NFE2L3: variants seen among roughly 807,000 people sequenced by gnomAD.
NFE2L3 encodes the protein nuclear factor erythroid 2-related factor 3.
NFE2L3 carries 18 observed loss-of-function variants against 23.5 expected under a neutral mutation model. The observed-to-expected ratio is 0.77, with a 90% CI of 0.53 to 1.13. The LOEUF is 1.13. Ranked by LOEUF, NFE2L3 falls within the 50% of genes most tolerant of loss-of-function variation. NFE2L3 has a pLI of 0.00. For missense variants in NFE2L3, 1,152 were observed against 877.2 expected, an observed-to-expected ratio of 1.31 and a Z score of -3.96; for synonymous variants, 424 against 354.5, an observed-to-expected ratio of 1.20 and a Z score of -2.20.
chr7:26,163,054 G>A (rs1784196614), intron 1 of NFE2L3, among the ~76,000 whole-genome samples: 1 of 152,130 alleles, frequency 6.6e-6, no homozygotes, highest in African/African-American at 2.4e-5. Context: ...AATGGAGGTG[G>A]ATAATGCCCC....
intron 3 of NFE2L3, chr7:26,184,038 T>C: frequency 2.0e-6 from 1 of 490,058 alleles, no homozygotes; most frequent in East Asian, 3.5e-5. Context: ...AATTATCAGG[T>C]ATTTATCCAA....
At chr7:26,167,200 G>A (rs1784263290) in intron 1 of NFE2L3, among the ~76,000 whole-genome samples, 1 of 152,160 alleles carries the variant, frequency 6.6e-6, no homozygotes, top group South Asian at 2.1e-4. Flanking sequence ...ATGGCTGGAG[G>A]GCAGGTATCA....
In NFE2L3 at chr7:26,185,081, A is replaced by T; in HGVS notation, c.1383A>T (p.Leu461Phe). 1 of 1,613,906 alleles carries T rather than the reference A, an allele frequency of 6.2e-7. No individual in the cohort carries two copies. The highest frequency in any genetic ancestry group is 8.5e-7 in the Non-Finnish European group (1 of 1,179,832). Residue 461 changes from leucine to phenylalanine, a missense_variant, in exon 4 of 4, where the codon TTA (leucine) becomes TTT (phenylalanine). Physicochemically the swap from Leu to Phe is conservative, Grantham distance 22. Transcript: ENST00000056233. ...ATGAATCTAGTTCCCATCATGACTT[A>T]GAAGGTGCTGTAGGTGGCTACTACC... Reference protein sequence around the residue: ...TDHESSSHHDLEGAVGGYYPE... With the variant: ...TDHESSSHHDFEGAVGGYYPE...
intron 2 of NFE2L3, among the ~76,000 whole-genome samples, chr7:26,180,603 G>C (rs1040666903): frequency 6.6e-6 from 1 of 152,192 alleles, no homozygotes; most frequent in Non-Finnish European, 1.5e-5. Context: ...GTTTTCACTA[G>C]TCTTTCACTT....
rs1784026225 is a variant in NFE2L3 at position 26,153,137 on chromosome 7, G to A, written c.570+69G>A. On this transcript the variant is annotated intron_variant, in intron 1 of 3. Transcript: ENST00000056233. Reference sequence around the variant, plus strand: ...GCCGGGAGCCCCCGAGGCTTGTGTCGGATCTGAGCAGGGGCCACTCTCGCT... The same window carrying A: ...GCCGGGAGCCCCCGAGGCTTGTGTCAGATCTGAGCAGGGGCCACTCTCGCT... The A allele has an allele frequency of 4.9e-6, 7 of 1,430,674 alleles. No individual in the cohort carries two copies. In the South Asian group the frequency reaches 6.9e-5, roughly 14 times the overall value. The allele number at this position is 1,430,674 out of a possible 1,614,324, so 88.6% of individuals were successfully genotyped here. A position where few individuals can be genotyped will look rare whatever the true frequency, so the allele number is the denominator to read the frequency against.
rs773965076 is a variant in NFE2L3 at position 26,185,055 on chromosome 7, C to A, written c.1357C>A (p.His453Asn). The stretch of plus-strand genomic sequence containing the variant: ...AGGTGCTATAGGTTATTGCACTGAC[C>A]ATGAATCTAGTTCCCATCATGACTT... ...DEGAIGYCTDHESSSHHDLEG... is the reference protein window; with the variant it reads ...DEGAIGYCTDNESSSHHDLEG... The change falls in exon 4 of 4, where the codon CAT becomes AAT. Residue 453 changes from histidine (H) to asparagine (N), a missense_variant. Physicochemically the swap from His to Asn is moderately conservative, Grantham distance 68. Transcript: ENST00000056233. 6.2e-7 allele frequency: 1 copy of A among 1,613,696 alleles called. No homozygotes were observed. The highest frequency in any genetic ancestry group is 2.2e-5 in the East Asian group (1 of 44,890).
At chr7:26,184,472 A>C (rs548813274) in intron 3 of NFE2L3, 61 bp from the exon 4 acceptor site, 65 of 1,462,922 alleles carry the variant, frequency 4.4e-5, no homozygotes, top group Non-Finnish European at 5.9e-5. Flanking sequence ...GTTGTTAGGT[A>C]ATAGAACTGC....
intron 1 of NFE2L3, among the ~76,000 whole-genome samples, chr7:26,167,320 G>A (rs1229431024): frequency 2.6e-5 from 4 of 152,194 alleles, no homozygotes; most frequent in African/African-American, 9.7e-5. Context: ...AGAGACAGGA[G>A]CACCCAGTTT....
chr7:26,163,971 G>A (rs146306171), intron 1 of NFE2L3, among the ~76,000 whole-genome samples: 11,274 of 152,146 alleles, frequency 0.074, 904 homozygotes, highest in East Asian at 0.36. Context: ...CCATGTCCCT[G>A]CAAAGGACAC....
chr7:26,183,614 A>G (rs959625056), intron 2 of NFE2L3, 87 bp from the exon 3 acceptor site: 5 of 779,376 alleles, frequency 6.4e-6, no homozygotes, highest in African/African-American at 3.5e-5. Context: ...TGGAAATAAT[A>G]CCTGGTGATC....
At chr7:26,183,368 T>G (rs574877624) in intron 2 of NFE2L3, among the ~76,000 whole-genome samples, 7,414 of 152,044 alleles carry the variant, frequency 0.049, 557 homozygotes, top group East Asian at 0.36. Flanking sequence ...GCCAACATGG[T>G]GAAACCCTGT....
At chr7:26,161,335 C>CTT (rs914055111) in intron 1 of NFE2L3, among the ~76,000 whole-genome samples, 111 of 69,534 alleles carry the variant, frequency 1.6e-3, no homozygotes, top group Non-Finnish European at 2.1e-3. Flanking sequence ...GCTTCTCTCT[C>CTT]TTTTTTTTTT....
rs1194974382 is a variant in NFE2L3 at position 26,158,478 on chromosome 7, A to G, written c.570+5410A>G. ...TCAGCTTGCTTATGATTAAAAGCTA[A>G]CTGAGCTGTTTCTGAAAGCAGCTGG... On this transcript the variant is annotated intron_variant, in intron 1 of 3. Coordinates refer to ENST00000056233, the MANE Select transcript of NFE2L3 (RefSeq NM_004289.7). Among the ~76,000 whole-genome samples, 4 of 152,280 alleles carry G rather than the reference A, an allele frequency of 2.6e-5. No homozygotes were observed. The East Asian group carries it at 7.7e-4, about 29-fold the overall frequency.
At chr7:26,172,568 CTT>C (rs1487663761) in intron 1 of NFE2L3, among the ~76,000 whole-genome samples, 2 of 152,176 alleles carry the variant, frequency 1.3e-5, no homozygotes, top group Non-Finnish European at 2.9e-5. Flanking sequence ...TGCCGAGTCT[CTT>C]TAGTCACCTG....
At chr7:26,170,018 A>C (rs763836801) in intron 1 of NFE2L3, among the ~76,000 whole-genome samples, 1 of 152,088 alleles carries the variant, frequency 6.6e-6, no homozygotes, top group Non-Finnish European at 1.5e-5. Flanking sequence ...CTGTGGCCTC[A>C]GGTGGGTCAC....
chr7:26,180,526 A>ATGT (rs767222589), intron 2 of NFE2L3, among the ~76,000 whole-genome samples: 6 of 152,216 alleles, frequency 3.9e-5, no homozygotes, highest in East Asian at 1.9e-4. Flanking sequence ...AACCATATAT[A>ATGT]TGTTGAAGAG....
At chr7:26,175,499 C>T (rs561024785) in intron 1 of NFE2L3, among the ~76,000 whole-genome samples, 57 of 151,180 alleles carry the variant, frequency 3.8e-4, no homozygotes, top group Middle Eastern at 7.0e-3. Flanking sequence ...TAGTTTCCGC[C>T]GGGTGCGGTG....
At chr7:26,169,341 C>G (rs1055788797) in intron 1 of NFE2L3, among the ~76,000 whole-genome samples, 1 of 152,186 alleles carries the variant, frequency 6.6e-6, no homozygotes, top group Non-Finnish European at 1.5e-5. Context: ...AAGCAGAAGT[C>G]GAACTGTGAT....
chr7:26,157,971 C>T (rs757604353), intron 1 of NFE2L3, among the ~76,000 whole-genome samples: 7 of 152,204 alleles, frequency 4.6e-5, no homozygotes, highest in Admixed American at 2.0e-4. Context: ...GCTCTGCCTT[C>T]ATCTTCACAT....
Sources: gnomAD v4.1 joint callset for allele counts (sites outside exome capture counted in the v4.1 genomes callset) on GRCh38, gnomAD v4.1.1 for gene constraint, MANE v1.5 for transcripts, NCBI Gene and HGNC (gene_info 2026-07-23, HGNC 2026-07-21) for gene names.